Variants in ANAPC5 observed in about 807,000 individuals in gnomAD.
The protein encoded by ANAPC5 is anaphase-promoting complex subunit 5.
In ANAPC5, 60 loss-of-function variants were observed where a neutral mutation model predicts 91.3. The ratio of observed to expected loss-of-function variants is 0.66; its 90% CI spans 0.53 to 0.81. ANAPC5 has a LOEUF of 0.81. ANAPC5 is among the 40% of genes least tolerant of loss of function. The pLI is 0.00. For synonymous variants in ANAPC5, 340 were observed against 364.1 expected (o/e 0.93, Z 0.75); for missense variants, 690 against 931.5 (o/e 0.74, Z 3.37).
At position 121,342,803 on chromosome 12, in the gene ANAPC5, G is replaced by A. The variant is rs920687211; in HGVS notation, c.591-734C>T. 2.6e-5 allele frequency among the ~76,000 whole-genome samples: 4 copies of A among 152,134 alleles called. No individual in the cohort carries two copies. The highest frequency in any genetic ancestry group is 4.4e-5 in the Non-Finnish European group (3 of 68,028). Reference sequence around the variant, plus strand: ...GATCCCGGGAGGTGGAGGTTGCAGCGAGCCAAGATCACGCCACTGCACTCC... The same window carrying A: ...GATCCCGGGAGGTGGAGGTTGCAGCAAGCCAAGATCACGCCACTGCACTCC... On this transcript the variant is annotated intron_variant, in intron 4 of 16. Transcript: ENST00000261819. This position sits in a 1 kb window ranked among gnomAD's most constrained non-coding sequence, Gnocchi z 4.1.
rs550010840 is a variant in ANAPC5, at chr12:121,318,380, G to A, written c.1790C>T (p.Pro597Leu). The A allele has an allele frequency of 1.2e-6, 2 of 1,612,314 alleles. No homozygotes were observed. The highest frequency in any genetic ancestry group is 2.2e-5 in the East Asian group (1 of 44,854). Residue 597 changes from proline (P) to leucine (L), a missense_variant, in exon 15 of 17, where the codon CCT becomes CTT. This residue lies in a region of ANAPC5 where 317 missense variants were observed against 438.7 expected (regional missense o/e 0.72). Coordinates refer to ENST00000261819, the MANE Select transcript of ANAPC5 (RefSeq NM_016237.5). ...CAGGAGCATGGGCAGCGCGATGGTA[G>A]GGGAGGAAGATCGCCAGTACAGCTC... is the stretch of plus-strand genomic sequence containing the variant. ...VAELYWRSSSPTIALPMLLQA... is the reference protein window; with the variant it reads ...VAELYWRSSSLTIALPMLLQA...
intron 4 of ANAPC5, among the ~76,000 whole-genome samples, chr12:121,344,381 C>G (rs1181022068): frequency 6.6e-6 from 1 of 152,040 alleles, no homozygotes; most frequent in African/African-American, 2.4e-5. Flanking sequence ...GAATTTGAGA[C>G]CAGCCTGGCC....
intron 1 of ANAPC5, among the ~76,000 whole-genome samples, chr12:121,351,739 G>A (rs1555275398): frequency 6.6e-6 from 1 of 152,086 alleles, no homozygotes; most frequent in Non-Finnish European, 1.5e-5. Flanking sequence ...TTATAGGCGT[G>A]AGCCACTGCG....
chr12:121,344,604 AAAAG>A (rs1483118598), intron 4 of ANAPC5, among the ~76,000 whole-genome samples: 2 of 151,928 alleles, frequency 1.3e-5, no homozygotes, highest in African/African-American at 4.8e-5. Context: ...AAAAGAAAGA[AAAAG>A]AAAGTATTTG....
At chr12:121,323,331 T>G (rs1902693113) in intron 11 of ANAPC5, among the ~76,000 whole-genome samples, 1 of 152,090 alleles carries the variant, frequency 6.6e-6, no homozygotes, top group African/African-American at 2.4e-5. Context: ...GGGATGTTTA[T>G]CTTTTTTTTT....
At position 121,318,568 on chromosome 12, in the gene ANAPC5, C is replaced by T. The variant is rs113363039; in HGVS notation, c.1678G>A (p.Ala560Thr). Residue 560 changes from alanine (A) to threonine (T), a missense_variant, in exon 14 of 17, where the codon GCA becomes ACA. Physicochemically the swap from Ala to Thr is moderately conservative, Grantham distance 58. Coordinates refer to ENST00000261819, the MANE Select transcript of ANAPC5 (RefSeq NM_016237.5). ...AACAATTTTTGTAAAAGCTTATGTGCCTCTGACATTTGGTTCTGAGCTTGT... is the reference window on the plus strand; with the variant it reads ...AACAATTTTTGTAAAAGCTTATGTGTCTCTGACATTTGGTTCTGAGCTTGT... ...VLQAQNQMSE[A>T]HKLLQKLLVH... The T allele has an allele frequency of 6.2e-7, 1 of 1,614,124 alleles. No homozygotes were observed. Among genetic ancestry groups the T allele is most frequent in the East Asian group, 2.2e-5 (1 of 44,890 alleles).
At chr12:121,327,374 G>A in intron 10 of ANAPC5, 143 bp from the exon 11 acceptor site, 1 of 957,696 alleles carries the variant, frequency 1.0e-6, no homozygotes, top group Non-Finnish European at 1.5e-6. Context: ...GCCTCCCAGT[G>A]CCAGCAACCT....
chr12:121,313,716 T>C lies in ANAPC5; in HGVS notation c.1894-3853A>G, dbSNP rs1314167534. ...TGACTCAAGAAACAGGAAATCTGAA[T>C]AGACCTATAACAACTAAAGAGACTG... is the stretch of plus-strand genomic sequence containing the variant. On this transcript the variant is annotated intron_variant, in intron 15 of 16. Coordinates refer to ENST00000261819, the MANE Select transcript of ANAPC5 (RefSeq NM_016237.5). 5.3e-5 allele frequency among the ~76,000 whole-genome samples: 8 copies of C among 152,314 alleles called. No homozygotes were observed. The East Asian group carries it at 7.7e-4, about 15-fold the overall frequency.
At chr12:121,328,110 G>C in intron 10 of ANAPC5, 2 of 506,934 alleles carry the variant, frequency 3.9e-6, no homozygotes, top group South Asian at 2.9e-5. Context: ...AAGTGGTTGG[G>C]AGGAGTAAGA....
chr12:121,345,843 C>G lies in ANAPC5; in HGVS notation c.586G>C (p.Val196Leu), dbSNP rs1555274603. ...CTGTCAGAAAAGCCAAATTACCTTA[C>G]AGATACATCAAGTTCTTCTTTTTCC... Reference protein sequence around the residue: ...KMEKEELDVSVREEEVSCSGP... With the variant: ...KMEKEELDVSLREEEVSCSGP... Residue 196 changes from valine to leucine, a missense_variant, in exon 4 of 17, where the codon GTA becomes CTA. Around this residue, in one of 5 missense-constraint regions of ANAPC5, gnomAD observed 238 missense variants for 264.9 expected, o/e 0.90. Transcript: ENST00000261819. The G allele has an allele frequency of 1.2e-6, 2 of 1,612,542 alleles. No homozygotes were observed. Among genetic ancestry groups the G allele is most frequent in the South Asian group, 2.2e-5 (2 of 90,716 alleles).
chr12:121,320,229 C>A (rs1902542799), intron 12 of ANAPC5, among the ~76,000 whole-genome samples, 156 bp downstream of exon 12: 1 of 152,114 alleles, frequency 6.6e-6, no homozygotes, highest in South Asian at 2.1e-4. Flanking sequence ...TGTTTTTAAA[C>A]TTTATATAAA....
chr12:121,342,146 A>G lies in ANAPC5; in HGVS notation c.591-77T>C. 1 of 1,109,780 alleles carries G rather than the reference A, an allele frequency of 9.0e-7. No homozygotes were observed. 68.7% of individuals were successfully genotyped at this position (1,109,780 alleles called of 1,614,324 possible). A position where few individuals can be genotyped will look rare whatever the true frequency, so the allele number is the denominator to read the frequency against. Reference sequence around the variant, plus strand: ...TGATAACATTTATAAAATCAGATGGATTCTTGTATCGAAAGAGTTCAAAAA... The same window carrying G: ...TGATAACATTTATAAAATCAGATGGGTTCTTGTATCGAAAGAGTTCAAAAA... On this transcript the variant is annotated intron_variant, in intron 4 of 16. Coordinates refer to ENST00000261819, the MANE Select transcript of ANAPC5 (RefSeq NM_016237.5). This position sits in a 1 kb window ranked among gnomAD's most constrained non-coding sequence, Gnocchi z 4.1.
chr12:121,352,246 G>A lies in ANAPC5; in HGVS notation c.95C>T (p.Pro32Leu), dbSNP rs1555275480. ...NVFGIKDWVT[P>L]YKIAVLVLLN... is the part of the protein sequence containing the mutation. ...CAGCACCAGCACCGCGATCTTGTAC[G>A]GCGTCACCCAGTCCTTGATGCCGAA... The change falls in exon 1 of 17, where the codon CCG becomes CTG. Residue 32 changes from proline (P) to leucine (L), a missense_variant. Transcript: ENST00000261819. 2 of 1,614,126 alleles carry A rather than the reference G, an allele frequency of 1.2e-6. No homozygotes were observed. The highest frequency in any genetic ancestry group is 2.7e-5 in the African/African-American group (2 of 75,064).
intron 1 of ANAPC5, among the ~76,000 whole-genome samples, chr12:121,351,669 G>A (rs1903897886): frequency 6.6e-6 from 1 of 152,006 alleles, no homozygotes; most frequent in Non-Finnish European, 1.5e-5. Flanking sequence ...ACGTTGGTCA[G>A]GCTGGTCTCG....
Position 121,331,406 on chromosome 12 carries a change from G to A in ANAPC5, c.973C>T (p.Gln325Ter). 2 of 1,608,816 alleles carry A rather than the reference G, an allele frequency of 1.2e-6. No individual in the cohort carries two copies. Among genetic ancestry groups the A allele is most frequent in the Non-Finnish European group, 1.7e-6 (2 of 1,175,536 alleles). ...TCCTGGGCAATCCTAATTGCCTCCT[G>A]CAGGGCGAGCTCTGCCTGTTGACTA... is the stretch of plus-strand genomic sequence containing the variant. Reference protein sequence around the residue: ...GHYQQAELALQEAIRIAQESN... With the variant: ...GHYQQAELAL The change falls in exon 8 of 17, where the codon CAG (glutamine) becomes TAG (stop). Residue 325 changes from glutamine (Q) to a stop codon, truncating the protein, a stop_gained. Transcript: ENST00000261819. LOFTEE classifies it high-confidence loss of function.
chr12:121,349,522 G>A (rs1176636395), intron 1 of ANAPC5, among the ~76,000 whole-genome samples: 9 of 151,512 alleles, frequency 5.9e-5, no homozygotes, highest in African/African-American at 1.7e-4. Flanking sequence ...ATCGCACCAC[G>A]GCACTCCAGC....
At chr12:121,320,310 T>C in intron 12 of ANAPC5, 75 bp downstream of exon 12, 1 of 1,414,146 alleles carries the variant, frequency 7.1e-7, no homozygotes, top group Admixed American at 1.8e-5. Flanking sequence ...GAGGGGAGAT[T>C]ATGTCCCACT....
chr12:121,346,250 T>C, intron 3 of ANAPC5: 1 of 433,122 alleles, frequency 2.3e-6, no homozygotes, highest in Admixed American at 4.1e-5. Flanking sequence ...CCACCCCACC[T>C]CCACCTGAAG....
chr12:121,348,173 G>T (rs1167781970), intron 1 of ANAPC5, among the ~76,000 whole-genome samples: 1 of 152,138 alleles, frequency 6.6e-6, no homozygotes, highest in African/African-American at 2.4e-5. Context: ...TGACCTCTGA[G>T]TTCTAGTTTC....
Sources: allele counts gnomAD v4.1 joint callset (sites outside exome capture counted in the v4.1 genomes callset), GRCh38; gene constraint gnomAD v4.1.1; regional missense constraint gnomAD v4.1.1; non-coding constraint Gnocchi (gnomAD v3.1); transcripts MANE v1.5; gene names NCBI Gene and HGNC (gene_info 2026-07-23, HGNC 2026-07-21).